Variants in GPR176 observed in about 807,000 individuals in gnomAD.
GPR176 encodes the protein G protein-coupled receptor 176.
A neutral mutation model predicts 35.4 loss-of-function variants in GPR176; 26 were observed. The observed-to-expected ratio is 0.74, with a 90% CI of 0.54 to 1.02. GPR176 has a LOEUF of 1.02. Among genes scored for constraint, GPR176 ranks in the 50% least tolerant of loss-of-function variants. The pLI, the probability that GPR176 is intolerant of heterozygous loss-of-function variation, is 0.00. For synonymous variants in GPR176, 278 were observed against 271.3 expected, an observed-to-expected ratio of 1.02 and a Z score of -0.24; for missense variants, 597 against 665.3, an observed-to-expected ratio of 0.90 and a Z score of 1.13.
intron 1 of GPR176, among the ~76,000 whole-genome samples, chr15:39,914,003 G>A (rs186995575): frequency 6.6e-4 from 101 of 151,930 alleles, no homozygotes; most frequent in African/African-American, 2.3e-3. Context: ...CTGAGATAGC[G>A]CCACCGCACT....
chr15:39,914,612 G>T (rs11070239), intron 1 of GPR176, among the ~76,000 whole-genome samples: 1 of 151,966 alleles, frequency 6.6e-6, no homozygotes, highest in East Asian at 1.9e-4. Flanking sequence ...ACCTGGCCCA[G>T]GATACCTTAT....
At chr15:39,894,211 G>A (rs2033003697) in intron 1 of GPR176, among the ~76,000 whole-genome samples, 1 of 138,630 alleles carries the variant, frequency 7.2e-6, no homozygotes. Context: ...GGGGTGGCCG[G>A]GCAGAGGCGC....
At chr15:39,821,216 C>A (rs920199961) in intron 1 of GPR176, among the ~76,000 whole-genome samples, 1 of 147,326 alleles carries the variant, frequency 6.8e-6, no homozygotes, top group Non-Finnish European at 1.5e-5. Context: ...ATGCTATTAG[C>A]CTGTTTAATG....
rs117593317 is a variant in GPR176 at position 39,814,647 on chromosome 15, G to T, written c.173-7389C>A. Reference sequence around the variant, plus strand: ...TTCAATTATGAGCTCATAGTCTGTGGGGGTTGTTTTTCTGTGGTAGGTTAT... The same window carrying T: ...TTCAATTATGAGCTCATAGTCTGTGTGGGTTGTTTTTCTGTGGTAGGTTAT... On this transcript the variant is annotated intron_variant, in intron 1 of 2. Transcript: ENST00000561100. 2.3e-3 allele frequency among the ~76,000 whole-genome samples: 352 copies of T among 152,228 alleles called. 1 individual carries two copies. The highest frequency in any genetic ancestry group is 3.9e-3 in the Non-Finnish European group (264 of 67,998).
intron 1 of GPR176, among the ~76,000 whole-genome samples, chr15:39,839,154 C>G (rs1003745262): frequency 6.6e-6 from 1 of 152,076 alleles, no homozygotes; most frequent in Admixed American, 6.6e-5. Flanking sequence ...TCATATGGAA[C>G]CAAAAAAGAG....
At chr15:39,872,756 A>G (rs113471516) in intron 1 of GPR176, among the ~76,000 whole-genome samples, 8 of 152,240 alleles carry the variant, frequency 5.3e-5, no homozygotes, top group African/African-American at 1.9e-4. Flanking sequence ...TTAAAAGACC[A>G]TATCTCACAA....
intron 1 of GPR176, among the ~76,000 whole-genome samples, chr15:39,881,437 A>C (rs2032471279): frequency 6.6e-6 from 1 of 152,214 alleles, no homozygotes; most frequent in South Asian, 2.1e-4. Flanking sequence ...TCAGGCAATC[A>C]ATCGGTCAAG....
At chr15:39,907,978 C>T (rs1008210424) in intron 1 of GPR176, among the ~76,000 whole-genome samples, 2 of 152,080 alleles carry the variant, frequency 1.3e-5, no homozygotes, top group South Asian at 2.1e-4. Context: ...GAGTGAGACC[C>T]TGTCTCAAAA....
At chr15:39,829,171 T>A in intron 1 of GPR176, 2 of 1,533,284 alleles carry the variant, frequency 1.3e-6, no homozygotes, top group Non-Finnish European at 1.7e-6. Flanking sequence ...TACGTCACAC[T>A]GCCTTCTCAT....
intron 1 of GPR176, among the ~76,000 whole-genome samples, chr15:39,831,706 T>C (rs1901086177): frequency 6.6e-6 from 1 of 152,150 alleles, no homozygotes; most frequent in Admixed American, 6.6e-5. Flanking sequence ...ACCACAGCCC[T>C]GGTTTCAAAC....
At chr15:39,825,473 C>T (rs921881238) in intron 1 of GPR176, among the ~76,000 whole-genome samples, 1 of 151,862 alleles carries the variant, frequency 6.6e-6, no homozygotes, top group Non-Finnish European at 1.5e-5. Flanking sequence ...ATTGTATTTA[C>T]AGACATATGG....
At chr15:39,855,577 G>A (rs759732783) in intron 1 of GPR176, among the ~76,000 whole-genome samples, 30 of 152,068 alleles carry the variant, frequency 2.0e-4, no homozygotes, top group Non-Finnish European at 2.9e-4. Flanking sequence ...AAGCAGCTGT[G>A]GCAGAATTTC....
chr15:39,903,397 C>G (rs10162972), intron 1 of GPR176, among the ~76,000 whole-genome samples: 8,443 of 152,188 alleles, frequency 0.055, 621 homozygotes, highest in African/African-American at 0.17. Context: ...TTCATCATTC[C>G]TGGGTGTGTG....
chr15:39,879,028 A>G (rs1324379237), intron 1 of GPR176, among the ~76,000 whole-genome samples: 2 of 152,222 alleles, frequency 1.3e-5, no homozygotes, highest in Admixed American at 6.5e-5. Context: ...ACCTTGGTGA[A>G]GATTACTGAG....
chr15:39,802,108 G>A lies in GPR176; in HGVS notation c.572C>T (p.Thr191Ile). The change falls in exon 3 of 3, where the codon ACC becomes ATC. Residue 191 changes from threonine to isoleucine, a missense_variant. Coordinates refer to ENST00000561100, the MANE Select transcript of GPR176 (RefSeq NM_007223.3). ...GGAGTTGCTCCAGACTTCCGTGCAG[G>A]TGGACGTGGCATAGATGTCAGCCAC... ...TNVADIYATSTCTEVWSNSLG... is the reference protein window; with the variant it reads ...TNVADIYATSICTEVWSNSLG... 3 of 1,614,166 alleles carry A rather than the reference G, an allele frequency of 1.9e-6. No individual in the cohort carries two copies. The highest frequency in any genetic ancestry group is 1.7e-5 in the Admixed American group (1 of 60,024).
intron 1 of GPR176, among the ~76,000 whole-genome samples, chr15:39,814,735 T>C (rs953168668): frequency 6.6e-6 from 1 of 152,220 alleles, no homozygotes. Flanking sequence ...TTGGTTGCAC[T>C]TTTGTGAGCC....
At position 39,901,944 on chromosome 15, in the gene GPR176, C is replaced by G. The variant is rs537040852; in HGVS notation, c.172+17911G>C. Reference sequence around the variant, plus strand: ...CAAAAAAAAAAAAAAATTAGCCAGACGTGGTGGTGCATGTCTGTAATCCCA... The same window carrying G: ...CAAAAAAAAAAAAAAATTAGCCAGAGGTGGTGGTGCATGTCTGTAATCCCA... On this transcript the variant is annotated intron_variant, in intron 1 of 2. Coordinates refer to ENST00000561100, the MANE Select transcript of GPR176 (RefSeq NM_007223.3). Among the ~76,000 whole-genome samples, 134 of 151,248 alleles carry G rather than the reference C, an allele frequency of 8.9e-4. 1 individual carries two copies. Among genetic ancestry groups the G allele is most frequent in the African/African-American group, 3.2e-3 (132 of 41,210 alleles).
chr15:39,919,392 G>C (rs1374051008), intron 1 of GPR176, among the ~76,000 whole-genome samples: 1 of 152,076 alleles, frequency 6.6e-6, no homozygotes, highest in Non-Finnish European at 1.5e-5. Flanking sequence ...CACAAAATAA[G>C]GGTCTATCAA....
intron 1 of GPR176, among the ~76,000 whole-genome samples, chr15:39,824,414 T>C (rs1376770985): frequency 6.6e-6 from 1 of 152,260 alleles, no homozygotes; most frequent in Non-Finnish European, 1.5e-5. Context: ...TACCTCACTT[T>C]TTAGGTCTTC....
Sources: allele counts gnomAD v4.1 joint callset (sites outside exome capture counted in the v4.1 genomes callset), GRCh38; gene constraint gnomAD v4.1.1; transcripts MANE v1.5; gene names NCBI Gene and HGNC (gene_info 2026-07-23, HGNC 2026-07-21).